KIAA1958: variants seen among roughly 807,000 people sequenced by gnomAD.
KIAA1958 encodes the protein KIAA1958, also known as uncharacterized protein KIAA1958.
In KIAA1958, 14 loss-of-function variants were observed where a neutral mutation model predicts 47.2. The ratio of observed to expected loss-of-function variants is 0.30; its 90% CI spans 0.20 to 0.46. The LOEUF (loss-of-function observed/expected upper bound fraction) is 0.46. Among genes scored for constraint, KIAA1958 ranks in the 20% least tolerant of loss-of-function variants. The pLI, the probability that KIAA1958 is intolerant of heterozygous loss-of-function variation, is 1.00. For synonymous variants in KIAA1958, 354 were observed against 353.3 expected, an observed-to-expected ratio of 1.00 and a Z score of -0.02; for missense variants, 803 against 909.2, an observed-to-expected ratio of 0.88 and a Z score of 1.50.
chr9:112,506,790 T>A (rs552083295), intron 1 of KIAA1958, among the ~76,000 whole-genome samples: 12 of 152,188 alleles, frequency 7.9e-5, no homozygotes, highest in Non-Finnish European at 1.6e-4. Context: ...TAGAAAGTTT[T>A]TGCCTTTTTT....
intron 2 of KIAA1958, among the ~76,000 whole-genome samples, chr9:112,638,780 A>G (rs1336292170): frequency 6.7e-6 from 1 of 149,644 alleles, no homozygotes; most frequent in Non-Finnish European, 1.5e-5. Flanking sequence ...TATTTTCTGT[A>G]TATTCTTTTC....
chr9:112,639,314 C>T (rs1377844542), intron 2 of KIAA1958, among the ~76,000 whole-genome samples: 1 of 152,202 alleles, frequency 6.6e-6, no homozygotes, highest in Non-Finnish European at 1.5e-5. Flanking sequence ...CTCTGCCACC[C>T]ACATACATAC....
At chr9:112,523,970 G>T (rs1834597580) in intron 1 of KIAA1958, among the ~76,000 whole-genome samples, 1 of 152,152 alleles carries the variant, frequency 6.6e-6, no homozygotes, top group Non-Finnish European at 1.5e-5. Flanking sequence ...ACCCCTTCTA[G>T]TCGAGTTTCT....
chr9:112,551,820 A>G (rs1310909056), intron 1 of KIAA1958, among the ~76,000 whole-genome samples: 1 of 152,120 alleles, frequency 6.6e-6, no homozygotes, highest in Non-Finnish European at 1.5e-5. Context: ...TGTCTGATCT[A>G]ATTGTATCTG....
intron 1 of KIAA1958, among the ~76,000 whole-genome samples, chr9:112,491,250 A>C (rs1263782548): frequency 6.6e-6 from 1 of 152,184 alleles, no homozygotes; most frequent in Non-Finnish European, 1.5e-5. Flanking sequence ...ATAGGTGTGA[A>C]CCACCACGTC....
chr9:112,603,546 C>T (rs62568635), intron 2 of KIAA1958, among the ~76,000 whole-genome samples: 13,679 of 152,224 alleles, frequency 0.09, 839 homozygotes, highest in East Asian at 0.19. Context: ...AGAGCCCCCA[C>T]ACAGCTTAAG....
chr9:112,632,016 G>T (rs1339237014), intron 2 of KIAA1958, among the ~76,000 whole-genome samples: 1 of 151,978 alleles, frequency 6.6e-6, no homozygotes, highest in East Asian at 1.9e-4. Flanking sequence ...GAATTCCTGG[G>T]CTAAATAAAA....
At chr9:112,587,705 C>A (rs759057243) in intron 2 of KIAA1958, among the ~76,000 whole-genome samples, 1 of 152,064 alleles carries the variant, frequency 6.6e-6, no homozygotes, top group Non-Finnish European at 1.5e-5. Flanking sequence ...TTTCAATTTT[C>A]TTTATTTTTG....
At chr9:112,517,257 T>C (rs1411024182) in intron 1 of KIAA1958, among the ~76,000 whole-genome samples, 1 of 152,242 alleles carries the variant, frequency 6.6e-6, no homozygotes, top group African/African-American at 2.4e-5. Flanking sequence ...GGCCAGTTGA[T>C]ATTTGACAAA....
At chr9:112,527,912 G>C (rs1834685515) in intron 1 of KIAA1958, among the ~76,000 whole-genome samples, 1 of 148,066 alleles carries the variant, frequency 6.8e-6, no homozygotes, top group African/African-American at 2.5e-5. Context: ...ACTCCAGCCT[G>C]GGTGACTGAG....
At chr9:112,617,779 C>T in intron 2 of KIAA1958, 1 of 995,334 alleles carries the variant, frequency 1.0e-6, no homozygotes, top group Non-Finnish European at 1.5e-6. Flanking sequence ...TTTCCCTTGT[C>T]ATTATAAAAG....
chr9:112,649,649 A>G (rs1228374564), intron 3 of KIAA1958, among the ~76,000 whole-genome samples: 1 of 152,188 alleles, frequency 6.6e-6, no homozygotes, highest in Admixed American at 6.5e-5. Flanking sequence ...AGGAACAAAG[A>G]TAGGGTTGAC....
At chr9:112,489,944 G>A (rs1833935247) in intron 1 of KIAA1958, among the ~76,000 whole-genome samples, 2 of 152,178 alleles carry the variant, frequency 1.3e-5, no homozygotes, top group Non-Finnish European at 2.9e-5. Context: ...AAGCTGAAAA[G>A]TAACAATTTT....
intron 1 of KIAA1958, among the ~76,000 whole-genome samples, chr9:112,497,402 ACT>A (rs1375320284): frequency 2.6e-5 from 4 of 152,164 alleles, no homozygotes; most frequent in Admixed American, 2.0e-4. Context: ...AGGGGAAAAA[ACT>A]CTGTGAAGGA....
chr9:112,558,201 G>C (rs1280087106), intron 1 of KIAA1958, among the ~76,000 whole-genome samples: 7 of 151,812 alleles, frequency 4.6e-5, no homozygotes, highest in Admixed American at 4.6e-4. Context: ...CTCCAGCCTG[G>C]AGACAGAGCG....
intron 1 of KIAA1958, among the ~76,000 whole-genome samples, chr9:112,507,981 T>C (rs1834258835): frequency 1.3e-5 from 2 of 152,154 alleles, no homozygotes; most frequent in South Asian, 4.1e-4. Flanking sequence ...CCTTTGAGAA[T>C]TGGATAAAAT....
At chr9:112,606,874 A>G (rs992441608) in intron 2 of KIAA1958, among the ~76,000 whole-genome samples, 2 of 152,224 alleles carry the variant, frequency 1.3e-5, no homozygotes, top group African/African-American at 4.8e-5. Context: ...ATCTCATTCA[A>G]ATGCTGAGAA....
intron 1 of KIAA1958, among the ~76,000 whole-genome samples, chr9:112,505,003 T>A (rs917271157): frequency 2.0e-5 from 3 of 152,222 alleles, no homozygotes; most frequent in African/African-American, 7.2e-5. Flanking sequence ...TTACTCTATG[T>A]GTACCCTTTA....
At chr9:112,649,070 C>A (rs1837019489) in intron 3 of KIAA1958, among the ~76,000 whole-genome samples, 1 of 152,040 alleles carries the variant, frequency 6.6e-6, no homozygotes, top group Admixed American at 6.5e-5. Context: ...AAAATAAATG[C>A]TTATGCATAT....
Sources: gnomAD v4.1 joint callset for allele counts (sites outside exome capture counted in the v4.1 genomes callset) on GRCh38, gnomAD v4.1.1 for gene constraint, MANE v1.5 for transcripts, NCBI Gene and HGNC (gene_info 2026-07-23, HGNC 2026-07-21) for gene names.